Variants in ABCA8 observed in about 807,000 individuals in gnomAD.
ABCA8 encodes ABC-type organic anion transporter ABCA8.
In ABCA8, 177 loss-of-function variants were observed where a neutral mutation model predicts 192.3. That is an observed-to-expected ratio of 0.92 (90% CI 0.81 to 1.04). The LOEUF is 1.04. Ranked by LOEUF, ABCA8 falls within the 50% of genes least tolerant of loss-of-function variation. The pLI is 0.00. For missense variants in ABCA8, 1,915 were observed against 1,904.8 expected (o/e 1.01, Z -0.10); for synonymous variants, 642 against 690.2 (o/e 0.93, Z 1.09).
At chr17:68,890,836 C>T (rs1269004744) in intron 24 of ABCA8, among the ~76,000 whole-genome samples, 1 of 152,074 alleles carries the variant, frequency 6.6e-6, no homozygotes, top group South Asian at 2.1e-4. Context: ...ATTTTTTATT[C>T]GTGTTTTACA....
At chr17:68,898,444 G>A (rs1365249543) in intron 21 of ABCA8, among the ~76,000 whole-genome samples, 1 of 152,108 alleles carries the variant, frequency 6.6e-6, no homozygotes, top group Non-Finnish European at 1.5e-5. Flanking sequence ...ATTTGTTATA[G>A]CAGACTTGCC....
At position 68,906,101 on chromosome 17, in the gene ABCA8, T is replaced by TCA. The variant is rs568802874; in HGVS notation, c.2339_2340dup (p.Thr781Ter). 7.2e-4 allele frequency: 1,145 copies of TCA among 1,600,930 alleles called. No homozygotes were observed. Among genetic ancestry groups the TCA allele is most frequent in the Non-Finnish European group, 8.3e-4 (980 of 1,173,988 alleles). On this transcript the variant is annotated frameshift_variant, in exon 19 of 40. Transcript: ENST00000586539. LOFTEE classifies it high-confidence loss of function. Reference sequence around the variant, plus strand: ...TTCAGGAATACTTCATTCAAAGTTGTCATGGAAACACCATAATTCTCAATT... The same window carrying TCA: ...TTCAGGAATACTTCATTCAAAGTTGTCACATGGAAACACCATAATTCTCAATT...
chr17:68,942,111 A>C (rs2068247090), intron 2 of ABCA8, 72 bp from the exon 3 acceptor site: 2 of 1,164,580 alleles, frequency 1.7e-6, no homozygotes. Flanking sequence ...CCTGCAAACA[A>C]CAAAAAAACG....
intron 19 of ABCA8, among the ~76,000 whole-genome samples, chr17:68,905,296 CAG>C (rs1205009827): frequency 5.9e-5 from 9 of 152,244 alleles, no homozygotes; most frequent in African/African-American, 1.9e-4. Context: ...GAAAAAAAAT[CAG>C]AGTCAGTTAC....
At chr17:68,950,351 T>A (rs2068537141) in intron 1 of ABCA8, among the ~76,000 whole-genome samples, 1 of 152,086 alleles carries the variant, frequency 6.6e-6, no homozygotes. Flanking sequence ...CTTTAAATTT[T>A]ATGTGGAACC....
At chr17:68,872,464 T>C (rs1385394606) in intron 37 of ABCA8, among the ~76,000 whole-genome samples, 1 of 147,706 alleles carries the variant, frequency 6.8e-6, no homozygotes, top group African/African-American at 2.5e-5. Context: ...CATCGGGAGA[T>C]ATACCTAATG....
At chr17:68,896,651 G>A (rs2066767750) in intron 21 of ABCA8, among the ~76,000 whole-genome samples, 1 of 152,118 alleles carries the variant, frequency 6.6e-6, no homozygotes, top group African/African-American at 2.4e-5. Flanking sequence ...ACATCACAGT[G>A]CTTGTGTTCA....
intron 12 of ABCA8, among the ~76,000 whole-genome samples, chr17:68,922,029 C>T (rs902900598): frequency 6.6e-6 from 1 of 151,550 alleles, no homozygotes; most frequent in Non-Finnish European, 1.5e-5. Context: ...TCATTTTTTT[C>T]TAACTTTTAT....
rs1178312299 is a variant in ABCA8, at chr17:68,877,543, CCT to C, written c.4173_4174del (p.Asp1393CysfsTer2). 1 of 1,613,910 alleles carries C rather than the reference CCT, an allele frequency of 6.2e-7. No homozygotes were observed. The highest frequency in any genetic ancestry group is 2.2e-5 in the East Asian group (1 of 44,868). On this transcript the variant is annotated frameshift_variant, in exon 33 of 40. Transcript: ENST00000586539. LOFTEE classifies it high-confidence loss of function. ...CCGTGTGATGGCAACCTCAGCATCC[CCT>C]TTCCTCAGCCCTTTCACGGCGGCGT...
At chr17:68,910,051 G>T (rs2067193538) in intron 17 of ABCA8, among the ~76,000 whole-genome samples, 1 of 152,154 alleles carries the variant, frequency 6.6e-6, no homozygotes, top group Admixed American at 6.5e-5. Flanking sequence ...AACAATAGAA[G>T]ATTTAGGAGG....
At chr17:68,903,733 T>A (rs1598229070) in intron 19 of ABCA8, among the ~76,000 whole-genome samples, 1 of 152,224 alleles carries the variant, frequency 6.6e-6, no homozygotes, top group East Asian at 1.9e-4. Flanking sequence ...GAGGTCAAGA[T>A]AAATAGGCAA....
chr17:68,950,809 C>T (rs1325525176), intron 1 of ABCA8, among the ~76,000 whole-genome samples: 3 of 152,124 alleles, frequency 2.0e-5, no homozygotes. Context: ...TTGATTGCAT[C>T]AGTGACCCAA....
intron 7 of ABCA8, among the ~76,000 whole-genome samples, chr17:68,930,146 T>A (rs1443382730): frequency 6.6e-6 from 1 of 152,198 alleles, no homozygotes; most frequent in Non-Finnish European, 1.5e-5. Flanking sequence ...CTAAATAAGA[T>A]GATGGCTATG....
chr17:68,868,774 C>G (rs1452789025), intron 38 of ABCA8, among the ~76,000 whole-genome samples: 1 of 152,114 alleles, frequency 6.6e-6, no homozygotes, highest in Admixed American at 6.6e-5. Flanking sequence ...ATCCAAAAAC[C>G]ATTGCAGCTT....
chr17:68,907,396 T>C (rs577413321), intron 18 of ABCA8, among the ~76,000 whole-genome samples: 2 of 151,990 alleles, frequency 1.3e-5, no homozygotes, highest in South Asian at 2.1e-4. Flanking sequence ...CCGAGACAGA[T>C]AGCCACATCA....
rs1228544480 is a variant in ABCA8 at position 68,891,530 on chromosome 17, A to C, written c.3103T>G (p.Cys1035Gly). 6.2e-7 allele frequency: 1 copy of C among 1,613,242 alleles called. No homozygotes were observed. Reference protein sequence around the residue: ...IMFWLVLTSSCPPYIAMSSID... With the variant: ...IMFWLVLTSSGPPYIAMSSID... ...CTGCTCATGGCAATGTAAGGTGGGC[A>C]ACTCGATGTTAAAACCAGCCAGAAC... The change falls in exon 24 of 40, where the codon TGC (cysteine) becomes GGC (glycine). Residue 1035 changes from cysteine to glycine, a missense_variant. Coordinates refer to ENST00000586539, the MANE Select transcript of ABCA8 (RefSeq NM_001288985.2).
At chr17:68,938,511 G>T (rs530248785) in intron 4 of ABCA8, among the ~76,000 whole-genome samples, 1 of 152,250 alleles carries the variant, frequency 6.6e-6, no homozygotes, top group African/African-American at 2.4e-5. Flanking sequence ...GAACGCCCTT[G>T]GTGGGAGTTA....
chr17:68,915,605 T>G (rs528365596), intron 17 of ABCA8, among the ~76,000 whole-genome samples: 1 of 152,244 alleles, frequency 6.6e-6, no homozygotes, highest in Admixed American at 6.5e-5. Context: ...GAATGGCTTT[T>G]ATCCAAAAGA....
At position 68,918,055 on chromosome 17, in the gene ABCA8, A is replaced by G. The variant is rs1315596558; in HGVS notation, c.2039T>C (p.Ile680Thr). 2 of 1,613,956 alleles carry G rather than the reference A, an allele frequency of 1.2e-6. No homozygotes were observed. Among genetic ancestry groups the G allele is most frequent in the African/African-American group, 1.3e-5 (1 of 74,934 alleles). ...FSTQFMDEAD[I>T]LADRKVFLSQ... ...CAGAAACCAGTGATTACCCGCCAGG[A>G]TGTCGGCCTCATCCATGAACTGGGT... is the stretch of plus-strand genomic sequence containing the variant. Residue 680 changes from isoleucine to threonine, a missense_variant, in exon 16 of 40, where the codon ATC (isoleucine) becomes ACC (threonine). Physicochemically the swap from Ile to Thr is moderately conservative, Grantham distance 89. Coordinates refer to ENST00000586539, the MANE Select transcript of ABCA8 (RefSeq NM_001288985.2).
Sources: gnomAD v4.1 joint callset for allele counts (sites outside exome capture counted in the v4.1 genomes callset) on GRCh38, gnomAD v4.1.1 for gene constraint, MANE v1.5 for transcripts, NCBI Gene and HGNC (gene_info 2026-07-23, HGNC 2026-07-21) for gene names.